GRIK1: variants seen among roughly 807,000 people sequenced by gnomAD.
GRIK1 encodes glutamate receptor ionotropic, kainate 1.
In GRIK1, 69 loss-of-function variants were observed where a neutral mutation model predicts 105.7. That is an observed-to-expected ratio of 0.65 (90% CI 0.54 to 0.80). The LOEUF (loss-of-function observed/expected upper bound fraction) is 0.80, where lower values mean the gene tolerates loss of function less well. GRIK1 is among the 30% of genes least tolerant of loss of function. The probability of loss-of-function intolerance (pLI) is 0.00; values close to 1 mark genes in which losing one functional copy is unlikely to be tolerated. For synonymous variants in GRIK1, 438 were observed against 431.3 expected, an observed-to-expected ratio of 1.02 and a Z score of -0.19; for missense variants, 1,109 against 1,167.3, an observed-to-expected ratio of 0.95 and a Z score of 0.73.
intron 1 of GRIK1, among the ~76,000 whole-genome samples, chr21:29,762,247 T>A (rs538302234): frequency 3.3e-5 from 5 of 152,248 alleles, no homozygotes; most frequent in Non-Finnish European, 7.3e-5. Flanking sequence ...AGTCTGCATG[T>A]CTTTCCAGGA....
At chr21:29,816,368 C>T (rs1396638734) in intron 1 of GRIK1, among the ~76,000 whole-genome samples, 1 of 151,902 alleles carries the variant, frequency 6.6e-6, no homozygotes, top group Admixed American at 6.6e-5. Context: ...TTAGCATAAC[C>T]ATTATAGAAA....
intron 13 of GRIK1, among the ~76,000 whole-genome samples, chr21:29,579,346 G>A (rs567401723): frequency 6.6e-6 from 1 of 152,222 alleles, no homozygotes; most frequent in African/African-American, 2.4e-5. Context: ...GATGATTTGT[G>A]TAAGTTTAGT....
chr21:29,785,304 C>T (rs1039269009), intron 1 of GRIK1, among the ~76,000 whole-genome samples: 2 of 152,050 alleles, frequency 1.3e-5, no homozygotes, highest in South Asian at 4.2e-4. Context: ...TGGCTCATGC[C>T]GTAATCCCAG....
At chr21:29,743,542 A>C (rs1324902697) in intron 1 of GRIK1, among the ~76,000 whole-genome samples, 1 of 152,020 alleles carries the variant, frequency 6.6e-6, no homozygotes, top group African/African-American at 2.4e-5. Flanking sequence ...CTAAAAATAC[A>C]AAATTAGCTG....
At chr21:29,547,185 G>C (rs1170307502) in intron 16 of GRIK1, among the ~76,000 whole-genome samples, 2 of 152,166 alleles carry the variant, frequency 1.3e-5, no homozygotes, top group Non-Finnish European at 2.9e-5. Context: ...CACTCTGTCT[G>C]TAATGATTTG....
chr21:29,884,820 C>T (rs1358571014), intron 1 of GRIK1, among the ~76,000 whole-genome samples: 1 of 151,976 alleles, frequency 6.6e-6, no homozygotes, highest in Non-Finnish European at 1.5e-5. Flanking sequence ...TAGCTACATG[C>T]ATAAAGTTAT....
chr21:29,580,045 G>GTATATATGTATATATATATGTGTA (rs2090988242), intron 13 of GRIK1, among the ~76,000 whole-genome samples: 1 of 141,988 alleles, frequency 7.0e-6, no homozygotes, highest in Admixed American at 7.3e-5. Context: ...GTGTATATAT[G>GTATATATGTATATATATATGTGTA]TATATATGTA....
At chr21:29,765,244 C>A (rs141562226) in intron 1 of GRIK1, among the ~76,000 whole-genome samples, 10 of 152,222 alleles carry the variant, frequency 6.6e-5, no homozygotes, top group Admixed American at 6.5e-4. Flanking sequence ...CTTGAGTGTG[C>A]AGCATTTTTG....
At chr21:29,767,468 G>A (rs2065695872) in intron 1 of GRIK1, among the ~76,000 whole-genome samples, 2 of 151,818 alleles carry the variant, frequency 1.3e-5, no homozygotes, top group Non-Finnish European at 2.9e-5. Context: ...CATTATGGAA[G>A]TTGTTGTGAC....
chr21:29,580,077 GTATATGTGTGTGTA>G (rs2090991096), intron 13 of GRIK1, among the ~76,000 whole-genome samples: 1 of 141,610 alleles, frequency 7.1e-6, no homozygotes, highest in Non-Finnish European at 1.5e-5. Flanking sequence ...GTATATATAT[GTATATGTGTGTGTA>G]TATATATGTG....
chr21:29,927,089 G>A (rs138728470), intron 1 of GRIK1, among the ~76,000 whole-genome samples: 3 of 152,198 alleles, frequency 2.0e-5, no homozygotes, highest in African/African-American at 7.2e-5. Context: ...TGGTCTGTGT[G>A]GGCCTGATGC....
At chr21:29,615,258 A>G (rs1467565355) in intron 7 of GRIK1, among the ~76,000 whole-genome samples, 1 of 151,646 alleles carries the variant, frequency 6.6e-6, no homozygotes, top group Admixed American at 6.6e-5. Flanking sequence ...CCTTAAGAGC[A>G]GGTGTAGTGT....
chr21:29,795,065 T>G (rs1398327835), intron 1 of GRIK1, among the ~76,000 whole-genome samples: 1 of 127,472 alleles, frequency 7.8e-6, no homozygotes, highest in Non-Finnish European at 1.6e-5. Context: ...AGATGGAGTC[T>G]CCCTCTGTCA....
intron 12 of GRIK1, among the ~76,000 whole-genome samples, chr21:29,585,927 G>A (rs1395407635): frequency 6.6e-6 from 1 of 152,068 alleles, no homozygotes; most frequent in Non-Finnish European, 1.5e-5. Context: ...CTTTTGGGGG[G>A]TACCTGTCCT....
chr21:29,676,301 A>G (rs1205998827), intron 3 of GRIK1, among the ~76,000 whole-genome samples: 1 of 152,202 alleles, frequency 6.6e-6, no homozygotes, highest in East Asian at 1.9e-4. Flanking sequence ...GGGGAAGAAC[A>G]AAGAACAGGG....
intron 1 of GRIK1, among the ~76,000 whole-genome samples, chr21:29,821,228 T>A (rs1362526529): frequency 6.6e-6 from 1 of 152,018 alleles, no homozygotes; most frequent in Non-Finnish European, 1.5e-5. Context: ...CCAAAAAATG[T>A]GAAGAAAACC....
At chr21:29,639,329 C>T (rs374264615) in intron 7 of GRIK1, among the ~76,000 whole-genome samples, 40 of 152,230 alleles carry the variant, frequency 2.6e-4, no homozygotes, top group South Asian at 1.2e-3. Flanking sequence ...AGACTGAAAA[C>T]GCATAGCTTG....
At chr21:29,783,274 C>G (rs895299682) in intron 1 of GRIK1, among the ~76,000 whole-genome samples, 1 of 151,406 alleles carries the variant, frequency 6.6e-6, no homozygotes, top group African/African-American at 2.4e-5. Flanking sequence ...AGACCTCCAT[C>G]AGGGCAAAAA....
chr21:29,900,781 A>G (rs2070373016), intron 1 of GRIK1, among the ~76,000 whole-genome samples: 1 of 152,196 alleles, frequency 6.6e-6, no homozygotes. Context: ...CTCTGGACCA[A>G]GCAGACCTAA....
Sources: allele counts gnomAD v4.1 joint callset (sites outside exome capture counted in the v4.1 genomes callset), GRCh38; gene constraint gnomAD v4.1.1; transcripts MANE v1.5; gene names NCBI Gene and HGNC (gene_info 2026-07-23, HGNC 2026-07-21).